SH3KBP1: variants seen among roughly 807,000 people sequenced by gnomAD.
The protein encoded by SH3KBP1 is SH3 domain containing kinase binding protein 1.
SH3KBP1 carries 8 observed loss-of-function variants against 50.1 expected under a neutral mutation model. That is an observed-to-expected ratio of 0.16 (90% CI 0.09 to 0.29). The LOEUF (loss-of-function observed/expected upper bound fraction) is 0.29. Among genes scored for constraint, SH3KBP1 ranks in the 10% least tolerant of loss-of-function variants. SH3KBP1 has a pLI of 1.00. For synonymous variants in SH3KBP1, 227 were observed against 218.6 expected, an observed-to-expected ratio of 1.04 and a Z score of -0.34; for missense variants, 377 against 535.2, an observed-to-expected ratio of 0.70 and a Z score of 2.92.
At chrX:19,738,438 G>A (rs1361699168) in intron 3 of SH3KBP1, among the ~76,000 whole-genome samples, 5 of 110,201 alleles carry the variant, frequency 4.5e-5, no homozygotes, top group Non-Finnish European at 5.7e-5. Context: ...CCACTTTCAC[G>A]ACATGCCTCA....
intron 2 of SH3KBP1, among the ~76,000 whole-genome samples, chrX:19,774,894 C>T (rs759225278): frequency 9.0e-6 from 1 of 110,815 alleles, no homozygotes; most frequent in South Asian, 3.8e-4. Flanking sequence ...AAGGGGTCTT[C>T]CTACTTTACA....
intron 2 of SH3KBP1, among the ~76,000 whole-genome samples, chrX:19,831,471 A>G (rs570824173): frequency 2.8e-5 from 3 of 107,386 alleles, no homozygotes; most frequent in South Asian, 8.3e-4. Context: ...CAGTGGTAAC[A>G]TGGACAGAAA....
chrX:19,690,611 A>G (rs1341747140), intron 5 of SH3KBP1, among the ~76,000 whole-genome samples: 1 of 112,297 alleles, frequency 8.9e-6, no homozygotes, highest in Non-Finnish European at 1.9e-5. Flanking sequence ...AAATAATATC[A>G]AAGGATGTGA....
chrX:19,820,082 A>T (rs1603263835), intron 2 of SH3KBP1, among the ~76,000 whole-genome samples: 1 of 111,771 alleles, frequency 8.9e-6, no homozygotes, highest in Non-Finnish European at 1.9e-5. Flanking sequence ...CTTTTTTATT[A>T]TCTCAATTCC....
In SH3KBP1 at chrX:19,740,243, T is replaced by C. The variant is rs140489154; in HGVS notation, c.286+6075A>G. On this transcript the variant is annotated intron_variant, in intron 3 of 17. Coordinates refer to ENST00000397821, the MANE Select transcript of SH3KBP1 (RefSeq NM_031892.3). ...CCAATAAAACTTGCCAGAAATGCAGTCAGGGATCAGTTAGTTTAAAAGACT... is the reference window on the plus strand; with the variant it reads ...CCAATAAAACTTGCCAGAAATGCAGCCAGGGATCAGTTAGTTTAAAAGACT... 4.7e-3 allele frequency among the ~76,000 whole-genome samples: 524 copies of C among 111,739 alleles called. 4 individuals are homozygous for C. The highest frequency in any genetic ancestry group is 0.016 in the African/African-American group (504 of 30,765).
chrX:19,764,060 T>A (rs1227593514), intron 2 of SH3KBP1, among the ~76,000 whole-genome samples: 2 of 103,834 alleles, frequency 1.9e-5, no homozygotes, highest in Admixed American at 1.0e-4. Context: ...TTTTTTCTAA[T>A]AATTTTATGG....
At chrX:19,800,777 T>C (rs1412167076) in intron 2 of SH3KBP1, among the ~76,000 whole-genome samples, 1 of 112,097 alleles carries the variant, frequency 8.9e-6, no homozygotes, top group East Asian at 2.8e-4. Context: ...CTCAAGCCTA[T>C]TGAGATCAAC....
chrX:19,831,085 T>C (rs1794515684), intron 2 of SH3KBP1, among the ~76,000 whole-genome samples: 1 of 111,921 alleles, frequency 8.9e-6, no homozygotes. Context: ...AGGACCACGC[T>C]CAAATGGGAT....
chrX:19,773,686 C>G (rs753109898), intron 2 of SH3KBP1, among the ~76,000 whole-genome samples: 11 of 107,369 alleles, frequency 1.0e-4, no homozygotes, highest in Admixed American at 5.0e-4. Flanking sequence ...GAAACCCCAT[C>G]TCTACTAAAA....
chrX:19,550,809 T>C (rs2065216738), intron 13 of SH3KBP1, among the ~76,000 whole-genome samples: 1 of 110,504 alleles, frequency 9.0e-6, no homozygotes, highest in Admixed American at 9.7e-5. Flanking sequence ...ATGGAAAATG[T>C]TAACTGACAA....
intron 2 of SH3KBP1, among the ~76,000 whole-genome samples, chrX:19,829,169 C>T (rs750161294): frequency 1.8e-4 from 20 of 112,423 alleles, no homozygotes; most frequent in Non-Finnish European, 2.8e-4. Context: ...AAACTGGAAA[C>T]AACCCAAATA....
intron 2 of SH3KBP1, among the ~76,000 whole-genome samples, chrX:19,788,280 AAAAAAC>A (rs1195235521): frequency 6.7e-3 from 682 of 102,545 alleles, no homozygotes; most frequent in South Asian, 9.7e-3. Context: ...AAAAAAAAAA[AAAAAAC>A]AAAAAAAAAA....
intron 2 of SH3KBP1, among the ~76,000 whole-genome samples, chrX:19,762,076 T>G (rs1054317335): frequency 2.7e-5 from 3 of 112,451 alleles, no homozygotes; most frequent in Non-Finnish European, 5.6e-5. Flanking sequence ...AAATTAAAAC[T>G]GAGGAAATTA....
In SH3KBP1 at chrX:19,680,118, T is replaced by C. The variant is rs367675747; in HGVS notation, c.726+3705A>G. On this transcript the variant is annotated intron_variant, in intron 6 of 17. Coordinates refer to ENST00000397821, the MANE Select transcript of SH3KBP1 (RefSeq NM_031892.3). Reference sequence around the variant, plus strand: ...GGCCAGGTATGGTGGCTCAAACCTGTAATCCCAGCACTTTGGGAGGCCAAG... The same window carrying C: ...GGCCAGGTATGGTGGCTCAAACCTGCAATCCCAGCACTTTGGGAGGCCAAG... 8.8e-4 allele frequency among the ~76,000 whole-genome samples: 98 copies of C among 111,512 alleles called. 3 individuals carry two copies. The South Asian group carries it at 0.036, about 41-fold the overall frequency.
intron 1 of SH3KBP1, among the ~76,000 whole-genome samples, chrX:19,868,153 G>A (rs1024077598): frequency 5.3e-5 from 6 of 112,178 alleles, no homozygotes; most frequent in Admixed American, 9.4e-5. Context: ...ATGTGCTAGT[G>A]TGGGCTTTTG....
At chrX:19,738,291 T>C (rs1374460195) in intron 3 of SH3KBP1, among the ~76,000 whole-genome samples, 1 of 111,033 alleles carries the variant, frequency 9.0e-6, no homozygotes, top group Admixed American at 9.6e-5. Context: ...TCTCCCCGCA[T>C]CCCTCCTTTG....
intron 6 of SH3KBP1, among the ~76,000 whole-genome samples, chrX:19,683,515 C>T (rs1031702299): frequency 1.8e-5 from 2 of 111,528 alleles, no homozygotes; most frequent in Admixed American, 9.5e-5. Context: ...TGCACTTAGG[C>T]GGGTCCAGGA....
intron 1 of SH3KBP1, among the ~76,000 whole-genome samples, chrX:19,854,775 T>C (rs1341836767): frequency 9.0e-6 from 1 of 110,628 alleles, no homozygotes; most frequent in Non-Finnish European, 1.9e-5. Flanking sequence ...ATCCATGAAA[T>C]CTCCTTCCCA....
At chrX:19,823,202 G>A (rs2067576721) in intron 2 of SH3KBP1, among the ~76,000 whole-genome samples, 1 of 111,534 alleles carries the variant, frequency 9.0e-6, no homozygotes, top group African/African-American at 3.3e-5. Context: ...TCCAGCAGAG[G>A]AGGGAATGCT....
Sources: allele counts gnomAD v4.1 joint callset (sites outside exome capture counted in the v4.1 genomes callset), GRCh38; gene constraint gnomAD v4.1.1; transcripts MANE v1.5; gene names NCBI Gene and HGNC (gene_info 2026-07-23, HGNC 2026-07-21).